Variants in USP6NL observed in about 807,000 individuals in gnomAD.
The protein encoded by USP6NL is USP6 N-terminal like, also known as USP6 N-terminal-like protein.
A neutral mutation model predicts 61.9 loss-of-function variants in USP6NL; 26 were observed. The ratio of observed to expected loss-of-function variants is 0.42; its 90% CI spans 0.31 to 0.58. The LOEUF is 0.58. Among genes scored for constraint, USP6NL ranks in the 20% least tolerant of loss-of-function variants. The pLI is 0.16. For synonymous variants in USP6NL, 432 were observed against 390.1 expected, an observed-to-expected ratio of 1.11 and a Z score of -1.27; for missense variants, 1,114 against 1,034.3, an observed-to-expected ratio of 1.08 and a Z score of -1.06.
At chr10:11,486,522 A>G (rs1416635652) in intron 10 of USP6NL, among the ~76,000 whole-genome samples, 1 of 152,210 alleles carries the variant, frequency 6.6e-6, no homozygotes, top group Non-Finnish European at 1.5e-5. Flanking sequence ...ACAAATGGTT[A>G]GCATTAATTT....
chr10:11,569,980 C>T (rs1837300298), intron 2 of USP6NL, among the ~76,000 whole-genome samples: 1 of 152,206 alleles, frequency 6.6e-6, no homozygotes, highest in Non-Finnish European at 1.5e-5. Flanking sequence ...GCTTTCCCAA[C>T]ACATTGTGCC....
In USP6NL at chr10:11,476,055, G is replaced by A. The variant is rs1286237256; in HGVS notation, c.1078+5715C>T. ...CTTCAGCAGCTCAGTGTCATTCAGA[G>A]GAAAACAAAAGGTGGGGTGAAGAGG... On this transcript the variant is annotated intron_variant, in intron 14 of 14. Transcript: ENST00000609104. This position sits in a 1 kb window ranked among gnomAD's most constrained non-coding sequence, Gnocchi z 4.3. 1.3e-5 allele frequency among the ~76,000 whole-genome samples: 2 copies of A among 152,104 alleles called. No individual in the cohort carries two copies. The highest frequency in any genetic ancestry group is 2.4e-5 in the African/African-American group (1 of 41,420).
chr10:11,511,082 A>T lies in USP6NL; in HGVS notation c.196-1407T>A, dbSNP rs903684682. Among the ~76,000 whole-genome samples the T allele has an allele frequency of 3.3e-5, 5 of 152,236 alleles. No homozygotes were observed. Among genetic ancestry groups the T allele is most frequent in the African/African-American group, 1.2e-4 (5 of 41,460 alleles). On this transcript the variant is annotated intron_variant, in intron 5 of 14. Transcript: ENST00000609104. This position sits in a 1 kb window ranked among gnomAD's most constrained non-coding sequence, Gnocchi z 4.9. ...AAAAGTACATAAAATTCCAAAGAAA[A>T]TCCTGAATTTAGGAAAAGTTATCTC...
rs758238670 is a variant in USP6NL at position 11,610,247 on chromosome 10, A to C, written c.-84+1196T>G. Among the ~76,000 whole-genome samples, 39 of 152,220 alleles carry C rather than the reference A, an allele frequency of 2.6e-4. 1 individual carries two copies. Among genetic ancestry groups the C allele is most frequent in the Non-Finnish European group, 2.9e-5 (2 of 68,044 alleles). On this transcript the variant is annotated intron_variant, in intron 1 of 14. Transcript: ENST00000609104. Reference sequence around the variant, plus strand: ...ATGGCATCAACATCCATTTTAAGTAATGAACTACACTATGTTTACAAATGT... The same window carrying C: ...ATGGCATCAACATCCATTTTAAGTACTGAACTACACTATGTTTACAAATGT...
Position 11,525,761 on chromosome 10 carries a change from G to A in USP6NL, c.73-293C>T, listed in dbSNP as rs1391830827. Among the ~76,000 whole-genome samples, 1 of 152,208 alleles carries A rather than the reference G, an allele frequency of 6.6e-6. No individual in the cohort carries two copies. The highest frequency in any genetic ancestry group is 1.9e-4 in the East Asian group (1 of 5,200). ...TTCCTTGGGGAAGCTAATGAGGAAA[G>A]AAGAGCGATGGGGATGAGAAAGCCA... On this transcript the variant is annotated intron_variant, in intron 3 of 14. Coordinates refer to ENST00000609104, the MANE Select transcript of USP6NL (RefSeq NM_014688.5). This position sits in a 1 kb window ranked among gnomAD's most constrained non-coding sequence, Gnocchi z 5.0.
chr10:11,463,290 G>T lies in USP6NL; in HGVS notation c.1638C>A (p.Ser546=). The T allele has an allele frequency of 6.2e-7, 1 of 1,613,874 alleles. No individual in the cohort carries two copies. The highest frequency in any genetic ancestry group is 1.1e-5 in the South Asian group (1 of 91,078). The change falls in exon 15 of 15, where the codon TCC becomes TCA. Residue 546 remains serine (S), a synonymous_variant. Coordinates refer to ENST00000609104, the MANE Select transcript of USP6NL (RefSeq NM_014688.5). The surrounding 1 kb of genome is among the most constrained non-coding windows in gnomAD (Gnocchi z 6.3). ...GCACGTTGTCGTACTGCGATGCAGT[G>T]GAGCCCCGCTTCCCGTCCTCAGCAT... ...ALDAEDGKRG[S]TASQYDNVPG...
At position 11,487,217 on chromosome 10, in the gene USP6NL, T is replaced by C. The variant is rs562250130; in HGVS notation, c.665-1306A>G. Among the ~76,000 whole-genome samples the C allele has an allele frequency of 6.6e-6, 1 of 152,318 alleles. No individual in the cohort carries two copies. Among genetic ancestry groups the C allele is most frequent in the South Asian group, 2.1e-4 (1 of 4,824 alleles). On this transcript the variant is annotated intron_variant, in intron 10 of 14. Coordinates refer to ENST00000609104, the MANE Select transcript of USP6NL (RefSeq NM_014688.5). This position sits in a 1 kb window ranked among gnomAD's most constrained non-coding sequence, Gnocchi z 4.2. ...AACAGTTCTTCATTTTCCACTGATG[T>C]TCCAGATCTCATATTTTATATTTTC...
chr10:11,574,929 A>G lies in USP6NL; in HGVS notation c.4+22702T>C, dbSNP rs1413329166. On this transcript the variant is annotated intron_variant, in intron 2 of 14. Transcript: ENST00000609104. This position sits in a 1 kb window ranked among gnomAD's most constrained non-coding sequence, Gnocchi z 4.3. ...TAAAAATGTCTAGTTTTAAAATTCAAGGTGAAGTTTTCAGCTCTTCAGACA... is the reference window on the plus strand; with the variant it reads ...TAAAAATGTCTAGTTTTAAAATTCAGGGTGAAGTTTTCAGCTCTTCAGACA... 6.6e-6 allele frequency among the ~76,000 whole-genome samples: 1 copy of G among 152,212 alleles called. No homozygotes were observed. The highest frequency in any genetic ancestry group is 2.4e-5 in the African/African-American group (1 of 41,454).
At chr10:11,514,148 GAT>G (rs1370336059) in intron 5 of USP6NL, among the ~76,000 whole-genome samples, 1 of 144,648 alleles carries the variant, frequency 6.9e-6, no homozygotes, top group Non-Finnish European at 1.5e-5. Context: ...TAATCCACGT[GAT>G]ATACTTTGAG....
At position 11,463,569 on chromosome 10, in the gene USP6NL, G is replaced by A. The variant is rs771329061; in HGVS notation, c.1359C>T (p.Leu453=). Residue 453 remains leucine, a synonymous_variant, in exon 15 of 15, where the codon CTC becomes CTT. Transcript: ENST00000609104. This position sits in a 1 kb window ranked among gnomAD's most constrained non-coding sequence, Gnocchi z 6.3. ...TGGAACTGTCCTGTGGACCCGATGG[G>A]AGTTTTCTTTGAAAATCTGCCTCAT... ...LKDEADFQRK[L]PSGPQDSSRQ... is the part of the protein sequence containing the mutation. 9 of 1,614,036 alleles carry A rather than the reference G, an allele frequency of 5.6e-6. No homozygotes were observed. The East Asian group carries it at 2.0e-4, about 36-fold the overall frequency.
At chr10:11,546,440 C>T (rs566614653) in intron 2 of USP6NL, among the ~76,000 whole-genome samples, 4 of 151,752 alleles carry the variant, frequency 2.6e-5, no homozygotes, top group East Asian at 2.0e-4. Flanking sequence ...CTTGATCTGT[C>T]GCCCAGGCTG....
At position 11,602,022 on chromosome 10, in the gene USP6NL, G is replaced by T. The variant is rs1312560626; in HGVS notation, c.-83-4305C>A. 6.6e-6 allele frequency among the ~76,000 whole-genome samples: 1 copy of T among 151,954 alleles called. No homozygotes were observed. The highest frequency in any genetic ancestry group is 2.4e-5 in the African/African-American group (1 of 41,380). On this transcript the variant is annotated intron_variant, in intron 1 of 14. Coordinates refer to ENST00000609104, the MANE Select transcript of USP6NL (RefSeq NM_014688.5). The surrounding 1 kb of genome is among the most constrained non-coding windows in gnomAD (Gnocchi z 4.8). ...AAAAAAGAAGAAAATGTCCTTCATT[G>T]ATGTATTATTTGTAATAGCAATATA...
Position 11,596,889 on chromosome 10 carries a change from C to A in USP6NL, c.4+742G>T, listed in dbSNP as rs1157174704. On this transcript the variant is annotated intron_variant, in intron 2 of 14. Transcript: ENST00000609104. This position sits in a 1 kb window ranked among gnomAD's most constrained non-coding sequence, Gnocchi z 4.1. ...AAGGTAAATATAATCAATACAAATA[C>A]TATGTGAAAAACATTTAAACTCTAA... 6.6e-6 allele frequency among the ~76,000 whole-genome samples: 1 copy of A among 152,044 alleles called. No individual in the cohort carries two copies. The highest frequency in any genetic ancestry group is 1.9e-4 in the East Asian group (1 of 5,196).
chr10:11,527,292 G>C (rs1835458414), intron 3 of USP6NL, among the ~76,000 whole-genome samples: 1 of 152,218 alleles, frequency 6.6e-6, no homozygotes, highest in Non-Finnish European at 1.5e-5. Flanking sequence ...GCAGGAGCAA[G>C]TCTGGTGTGC....
rs1838557125 is a variant in USP6NL, at chr10:11,602,182, TGAA to T, written c.-83-4468_-83-4466del. ...CTTAAAGAAATTCAATGACAATGAA[TGAA>T]TAAACAACGAGCAACGTATTTAACG... On this transcript the variant is annotated intron_variant, in intron 1 of 14. Coordinates refer to ENST00000609104, the MANE Select transcript of USP6NL (RefSeq NM_014688.5). The surrounding 1 kb of genome is among the most constrained non-coding windows in gnomAD (Gnocchi z 4.8). 6.6e-6 allele frequency among the ~76,000 whole-genome samples: 1 copy of T among 152,102 alleles called. No homozygotes were observed. Among genetic ancestry groups the T allele is most frequent in the South Asian group, 2.1e-4 (1 of 4,832 alleles).
intron 14 of USP6NL, among the ~76,000 whole-genome samples, chr10:11,464,336 G>A (rs972444496): frequency 6.6e-6 from 1 of 152,226 alleles, no homozygotes; most frequent in Middle Eastern, 3.2e-3. Context: ...ACTGAATGAT[G>A]TGACACTAAT....
rs2096214369 is a variant in USP6NL at position 11,461,559 on chromosome 10, T to G, written c.*882A>C. On this transcript the variant is annotated 3_prime_UTR_variant, in exon 15 of 15. Transcript: ENST00000609104. ...GTGTGGCTGCCCCACATGAGTACTGTGAGCACTGAGGGATCAGTAAGCTGC... is the reference window on the plus strand; with the variant it reads ...GTGTGGCTGCCCCACATGAGTACTGGGAGCACTGAGGGATCAGTAAGCTGC... 6.6e-6 allele frequency: 1 copy of G among 152,242 alleles called. No homozygotes were observed. Among genetic ancestry groups the G allele is most frequent in the South Asian group, 2.1e-4 (1 of 4,836 alleles). 9.4% of individuals were successfully genotyped at this position (152,242 alleles called of 1,614,324 possible).
At chr10:11,603,268 G>C (rs1838606060) in intron 1 of USP6NL, among the ~76,000 whole-genome samples, 1 of 152,158 alleles carries the variant, frequency 6.6e-6, no homozygotes, top group South Asian at 2.1e-4. Context: ...GTTTATACTG[G>C]TCAACATGAC....
chr10:11,463,315 T>A lies in USP6NL; in HGVS notation c.1613A>T (p.Asp538Val). 1 of 1,613,950 alleles carries A rather than the reference T, an allele frequency of 6.2e-7. No individual in the cohort carries two copies. The highest frequency in any genetic ancestry group is 1.1e-5 in the South Asian group (1 of 91,084). The change falls in exon 15 of 15, where the codon GAT (aspartate) becomes GTT (valine). Residue 538 changes from aspartate (D) to valine (V), a missense_variant. Physicochemically the swap from Asp to Val is radical, Grantham distance 152 (BLOSUM62 -3). Coordinates refer to ENST00000609104, the MANE Select transcript of USP6NL (RefSeq NM_014688.5). The surrounding 1 kb of genome is among the most constrained non-coding windows in gnomAD (Gnocchi z 6.3). ...SNVRPKMKALDAEDGKRGSTA... is the reference protein window; with the variant it reads ...SNVRPKMKALVAEDGKRGSTA... ...GGAGCCCCGCTTCCCGTCCTCAGCA[T>A]CCAGGGCCTTCATCTTTGGCCGCAC...
Sources: gnomAD v4.1 joint callset for allele counts (sites outside exome capture counted in the v4.1 genomes callset) on GRCh38, gnomAD v4.1.1 for gene constraint, Gnocchi (gnomAD v3.1) non-coding constraint, MANE v1.5 for transcripts, NCBI Gene and HGNC (gene_info 2026-07-23, HGNC 2026-07-21) for gene names.